The following FAT3 variants were observed in gnomAD, a reference collection of about 807,000 sequenced individuals.
The protein encoded by FAT3 is FAT atypical cadherin 3, also known as protocadherin Fat 3.
Under a neutral mutation model 310.2 loss-of-function variants are expected in FAT3, and 95 were observed. That is an observed-to-expected ratio of 0.31 (90% confidence interval 0.26 to 0.36). The LOEUF (loss-of-function observed/expected upper bound fraction) is 0.36, where lower values mean the gene tolerates loss of function less well. FAT3 is among the 10% of genes least tolerant of loss of function. The probability of loss-of-function intolerance (pLI) is 1.00; values close to 1 mark genes in which losing one functional copy is unlikely to be tolerated. For synonymous variants in FAT3, 2,314 were observed against 2,192.9 expected, an observed-to-expected ratio of 1.06 and a Z score of -1.54; for missense variants, 5,408 against 5,715.6, an observed-to-expected ratio of 0.95 and a Z score of 1.74.
chr11:92,819,520 A>T (rs906413051), intron 13 of FAT3, among the ~76,000 whole-genome samples: 5 of 152,150 alleles, frequency 3.3e-5, no homozygotes, highest in African/African-American at 9.7e-5. Context: ...TTGCTTAGGG[A>T]TTCTTAATAT....
chr11:92,226,606 T>G (rs1863917914), intron 1 of FAT3, among the ~76,000 whole-genome samples: 1 of 151,620 alleles, frequency 6.6e-6, no homozygotes, highest in African/African-American at 2.4e-5. Flanking sequence ...GTCCCCGGAA[T>G]GGACGTCGGG....
chr11:92,258,084 G>A (rs1267581896), intron 1 of FAT3, among the ~76,000 whole-genome samples: 1 of 152,108 alleles, frequency 6.6e-6, no homozygotes, highest in African/African-American at 2.4e-5. Flanking sequence ...CTTAAGGGAT[G>A]ACAAAGTATC....
chr11:92,555,710 G>A (rs890751880), intron 3 of FAT3, among the ~76,000 whole-genome samples: 2 of 152,160 alleles, frequency 1.3e-5, no homozygotes, highest in Non-Finnish European at 2.9e-5. Context: ...CCTCAAGACT[G>A]GGTCAGAGCC....
Position 92,831,644 on chromosome 11 carries a change from C to T in FAT3, c.9504C>T (p.Tyr3168=). ...CAGGCATCAATAGGAAGGTCGTGTA[C>T]TCCCTGGCAGACTCAGCTGGTGGGG... The part of the protein sequence containing the change: ...PDIGINRKVV[Y]SLADSAGGVF... The change falls in exon 14 of 28, where the codon TAC becomes TAT. Residue 3168 remains tyrosine, a synonymous_variant. Transcript: ENST00000525166. 5 of 1,612,746 alleles carry T rather than the reference C, an allele frequency of 3.1e-6. No individual in the cohort carries two copies. The highest frequency in any genetic ancestry group is 4.2e-6 in the Non-Finnish European group (5 of 1,179,612).
At chr11:92,631,631 C>CAGA (rs1195270361) in intron 3 of FAT3, among the ~76,000 whole-genome samples, 2 of 152,122 alleles carry the variant, frequency 1.3e-5, no homozygotes, top group African/African-American at 4.8e-5. Context: ...CCCAGCCATG[C>CAGA]AGAACTGTGA....
intron 2 of FAT3, among the ~76,000 whole-genome samples, chr11:92,509,759 T>C (rs1953230964): frequency 6.6e-6 from 1 of 152,136 alleles, no homozygotes; most frequent in African/African-American, 2.4e-5. Context: ...CTTTTGCACC[T>C]AAATAAAACT....
Position 92,534,843 on chromosome 11 carries a change from G to A in FAT3, c.3607+9895G>A, listed in dbSNP as rs537939653. Among the ~76,000 whole-genome samples, 4 of 152,272 alleles carry A rather than the reference G, an allele frequency of 2.6e-5. 1 individual carries two copies. Among genetic ancestry groups the A allele is most frequent in the African/African-American group, 9.6e-5 (4 of 41,540 alleles). ...TTTAACTGAAGCCACATAAGACAGA[G>A]GAGTCTTCAGAAATGAAAACCCAAA... On this transcript the variant is annotated intron_variant, in intron 3 of 27. Coordinates refer to ENST00000525166, the MANE Select transcript of FAT3 (RefSeq NM_001367949.2).
At chr11:92,650,713 G>A (rs1463071876) in intron 3 of FAT3, among the ~76,000 whole-genome samples, 1 of 152,118 alleles carries the variant, frequency 6.6e-6, no homozygotes, top group African/African-American at 2.4e-5. Context: ...GCCAGACACC[G>A]TCATCCCTAA....
chr11:92,266,495 A>C (rs529541129), intron 1 of FAT3, among the ~76,000 whole-genome samples: 3 of 152,194 alleles, frequency 2.0e-5, no homozygotes, highest in Non-Finnish European at 4.4e-5. Context: ...TCAGAAAATT[A>C]AGTGTAATCT....
chr11:92,569,712 T>C lies in FAT3; in HGVS notation c.3607+44764T>C, dbSNP rs117060869. Among the ~76,000 whole-genome samples, 9 of 152,340 alleles carry C rather than the reference T, an allele frequency of 5.9e-5. No individual in the cohort carries two copies. In the East Asian group the frequency reaches 1.7e-3, roughly 29 times the overall value. On this transcript the variant is annotated intron_variant, in intron 3 of 27. Coordinates refer to ENST00000525166, the MANE Select transcript of FAT3 (RefSeq NM_001367949.2). ...TATCCCACCGTATTCATGAGAAATG[T>C]AGTGGGAACCCCACTGCATTAATGT...
intron 3 of FAT3, among the ~76,000 whole-genome samples, chr11:92,684,481 T>A (rs1425544406): frequency 6.6e-6 from 1 of 152,194 alleles, no homozygotes; most frequent in Non-Finnish European, 1.5e-5. Flanking sequence ...CTGCCACCAC[T>A]GTTCTTGTTT....
intron 13 of FAT3, among the ~76,000 whole-genome samples, chr11:92,827,813 A>G (rs1019586791): frequency 9.9e-5 from 15 of 152,130 alleles, no homozygotes; most frequent in African/African-American, 3.6e-4. Flanking sequence ...CTTTGAGCAA[A>G]AGGGATTTTA....
At chr11:92,882,449 AC>A in intron 23 of FAT3, among the ~76,000 whole-genome samples, 1 of 151,980 alleles carries the variant, frequency 6.6e-6, no homozygotes, top group Non-Finnish European at 1.5e-5. Flanking sequence ...CTCCTCTCCC[AC>A]CTCAGTCTCT....
intron 2 of FAT3, among the ~76,000 whole-genome samples, chr11:92,496,582 G>A (rs1952772499): frequency 1.3e-5 from 2 of 151,932 alleles, no homozygotes; most frequent in South Asian, 4.1e-4. Context: ...ATCTGGGATG[G>A]GGTTGCTCTA....
chr11:92,579,571 G>A (rs965577949), intron 3 of FAT3, among the ~76,000 whole-genome samples: 2 of 152,112 alleles, frequency 1.3e-5, no homozygotes, highest in African/African-American at 4.8e-5. Flanking sequence ...AATTAAATTT[G>A]GGGACAGAGT....
chr11:92,786,133 G>A (rs1349522441), intron 7 of FAT3, among the ~76,000 whole-genome samples: 6 of 152,034 alleles, frequency 3.9e-5, no homozygotes, highest in Non-Finnish European at 8.8e-5. Flanking sequence ...GAAAATAATC[G>A]CAGTATGCCA....
At chr11:92,809,154 G>T (rs1947593758) in intron 12 of FAT3, among the ~76,000 whole-genome samples, 1 of 152,108 alleles carries the variant, frequency 6.6e-6, no homozygotes, top group Admixed American at 6.5e-5. Flanking sequence ...TATTCCAGTG[G>T]TTAAAATATA....
intron 4 of FAT3, among the ~76,000 whole-genome samples, chr11:92,729,581 C>T (rs1032164551): frequency 1.3e-5 from 2 of 151,906 alleles, no homozygotes; most frequent in South Asian, 2.1e-4. Flanking sequence ...AGCGTGCCCC[C>T]GTGCCTGGCT....
chr11:92,681,480 G>A (rs531761758), intron 3 of FAT3, among the ~76,000 whole-genome samples: 5 of 152,332 alleles, frequency 3.3e-5, no homozygotes, highest in South Asian at 2.1e-4. Flanking sequence ...CAAGGAACAC[G>A]AAGAATTTCA....
Sources: allele counts gnomAD v4.1 joint callset (sites outside exome capture counted in the v4.1 genomes callset), GRCh38; gene constraint gnomAD v4.1.1; transcripts MANE v1.5; gene names NCBI Gene and HGNC (gene_info 2026-07-23, HGNC 2026-07-21).